CLN8: variants seen among roughly 807,000 people sequenced by gnomAD.
CLN8 encodes protein CLN8.
A neutral mutation model predicts 15.7 loss-of-function variants in CLN8; 14 were observed. That is an observed-to-expected ratio of 0.89 (90% CI 0.59 to 1.39). The LOEUF (loss-of-function observed/expected upper bound fraction) is 1.39, where lower values mean the gene tolerates loss of function less well. Ranked by LOEUF, CLN8 falls within the 40% of genes most tolerant of loss-of-function variation. The pLI, the probability that CLN8 is intolerant of heterozygous loss-of-function variation, is 0.00. For missense variants in CLN8, 415 were observed against 364.0 expected (o/e 1.14, Z -1.14); for synonymous variants, 188 against 151.0 (o/e 1.25, Z -1.80).
intron 2 of CLN8, among the ~76,000 whole-genome samples, chr8:1,778,558 A>C (rs564019069): frequency 6.6e-6 from 1 of 152,214 alleles, no homozygotes; most frequent in Admixed American, 6.5e-5. Context: ...GCCCACCTTG[A>C]GGTGGCCCCA....
chr8:1,769,536 T>G (rs1801215479), intron 1 of CLN8, among the ~76,000 whole-genome samples: 2 of 152,124 alleles, frequency 1.3e-5, no homozygotes, highest in Admixed American at 1.3e-4. Flanking sequence ...CTGCAGAAAT[T>G]CCATTACCTG....
Position 1,784,899 on chromosome 8 carries a change from T to C in CLN8, c.*4332T>C, listed in dbSNP as rs2129016316. The stretch of plus-strand genomic sequence containing the variant: ...GTCCTCAGTAGAGAACGGTGGCCAC[T>C]GGAAACGTGTGGCCAGAAGGGGAAA... On this transcript the variant is annotated 3_prime_UTR_variant, in exon 3 of 3. Transcript: ENST00000331222. The C allele has an allele frequency of 6.6e-6, 1 of 152,374 alleles. No homozygotes were observed. Among genetic ancestry groups the C allele is most frequent in the East Asian group, 1.9e-4 (1 of 5,166 alleles). The allele number at this position is 152,374 out of a possible 1,614,324, so 9.4% of individuals were successfully genotyped here.
chr8:1,774,543 A>G (rs1801438492), intron 2 of CLN8, among the ~76,000 whole-genome samples: 2 of 152,222 alleles, frequency 1.3e-5, no homozygotes, highest in African/African-American at 2.4e-5. Flanking sequence ...GTCTGATTTG[A>G]TCAGAACTAA....
rs1049203000 is a variant in CLN8 at position 1,782,094 on chromosome 8, G to A, written c.*1527G>A. On this transcript the variant is annotated 3_prime_UTR_variant, in exon 3 of 3. Transcript: ENST00000331222. ...CTCGTGAGAATCATGTGTGACTTAC[G>A]TTCCTTATGTTTTATGGAACTCTCG... The A allele has an allele frequency of 6.6e-6, 1 of 152,002 alleles. No individual in the cohort carries two copies. The highest frequency in any genetic ancestry group is 2.4e-5 in the African/African-American group (1 of 41,370). 9.4% of individuals were successfully genotyped at this position (152,002 alleles called of 1,614,324 possible). A position where few individuals can be genotyped will look rare whatever the true frequency, so the allele number is the denominator to read the frequency against.
Position 1,756,569 on chromosome 8 carries a change from G to A in CLN8, c.-124+487G>A, listed in dbSNP as rs192305787. 1.4e-4 allele frequency among the ~76,000 whole-genome samples: 21 copies of A among 151,902 alleles called. No homozygotes were observed. In the East Asian group the frequency reaches 2.5e-3, roughly 18 times the overall value. On this transcript the variant is annotated intron_variant, in intron 1 of 1. Coordinates refer to the CLN8 transcript ENST00000524258. ...TTATACCATATTATGCTGTATGTTTGGGGGAGAGGGGAGGCTAGGTTTGAG... is the reference window on the plus strand; with the variant it reads ...TTATACCATATTATGCTGTATGTTTAGGGGAGAGGGGAGGCTAGGTTTGAG...
chr8:1,771,066 G>C lies in CLN8; in HGVS notation c.12G>C (p.Ala4=), dbSNP rs368792081. Reference sequence around the variant, plus strand: ...TATAGCTGTGGACAATGAATCCTGCGAGCGATGGGGGCACATCAGAGAGCA... The same window carrying C: ...TATAGCTGTGGACAATGAATCCTGCCAGCGATGGGGGCACATCAGAGAGCA... MNP[A]SDGGTSESIF... Residue 4 remains alanine, a synonymous_variant, in exon 2 of 3, where the codon GCG becomes GCC. Transcript: ENST00000331222. 1 of 1,614,036 alleles carries C rather than the reference G, an allele frequency of 6.2e-7. No homozygotes were observed. Among genetic ancestry groups the C allele is most frequent in the Admixed American group, 1.7e-5 (1 of 60,018 alleles).
rs905856101 is a variant in CLN8 at position 1,780,646 on chromosome 8, A to G, written c.*79A>G. 6.8e-6 allele frequency: 9 copies of G among 1,316,670 alleles called. No homozygotes were observed. Among genetic ancestry groups the G allele is most frequent in the Non-Finnish European group, 9.7e-6 (9 of 925,490 alleles). 81.6% of individuals were successfully genotyped at this position (1,316,670 alleles called of 1,614,324 possible). A position where few individuals can be genotyped will look rare whatever the true frequency, so the allele number is the denominator to read the frequency against. On this transcript the variant is annotated 3_prime_UTR_variant, in exon 3 of 3. Transcript: ENST00000331222. ...AAGCCCCGCGAATGATGGCTTTTGA[A>G]TTAATGAGGCAGTGAATGTTTTGTG...
intron 2 of CLN8, 134 bp from the exon 3 acceptor site, chr8:1,780,116 G>A (rs1801662842): frequency 2.0e-6 from 3 of 1,531,430 alleles, no homozygotes; most frequent in Non-Finnish European, 2.6e-6. Context: ...GCAGAGCCCT[G>A]GGGAGGAAAT....
At position 1,783,511 on chromosome 8, in the gene CLN8, T is replaced by C. The variant is rs915681787; in HGVS notation, c.*2944T>C. The C allele has an allele frequency of 6.6e-6, 1 of 152,246 alleles. No individual in the cohort carries two copies. The highest frequency in any genetic ancestry group is 1.5e-5 in the Non-Finnish European group (1 of 68,050). The allele number at this position is 152,246 out of a possible 1,614,324, so 9.4% of individuals were successfully genotyped here. A position where few individuals can be genotyped will look rare whatever the true frequency, so the allele number is the denominator to read the frequency against. ...TTCTCTTTCGATAGTGAAATCCTTC[T>C]CTATACCTATGTTTTGTTTTGTTTC... On this transcript the variant is annotated 3_prime_UTR_variant, in exon 3 of 3. Transcript: ENST00000331222.
chr8:1,770,712 C>T (rs1480827339), intron 1 of CLN8, among the ~76,000 whole-genome samples: 5 of 152,152 alleles, frequency 3.3e-5, no homozygotes, highest in African/African-American at 7.2e-5. Context: ...AGCACGGCTC[C>T]GGCCTCCTGT....
At chr8:1,779,858 A>G (rs1801653712) in intron 2 of CLN8, 3 of 678,060 alleles carry the variant, frequency 4.4e-6, no homozygotes, top group Non-Finnish European at 5.5e-6. Flanking sequence ...TAGGTATGGG[A>G]GCTTGATATA....
intron 2 of CLN8, among the ~76,000 whole-genome samples, chr8:1,772,335 A>T (rs1158056147): frequency 6.6e-6 from 1 of 152,232 alleles, no homozygotes; most frequent in Non-Finnish European, 1.5e-5. Context: ...AGTGCTCAGA[A>T]GTGTTGGGAC....
intron 1 of CLN8, among the ~76,000 whole-genome samples, chr8:1,768,209 G>GC (rs1801145613): frequency 6.6e-6 from 1 of 152,178 alleles, no homozygotes; most frequent in African/African-American, 2.4e-5. Context: ...TTCCCAAAGT[G>GC]CTGGGATTAC....
At chr8:1,753,375 A>T (rs1213337574), upstream of CLN8, among the ~76,000 whole-genome samples, 1 of 152,198 alleles carries the variant, frequency 6.6e-6, no homozygotes, top group African/African-American at 2.4e-5. Flanking sequence ...GTTCGAGACC[A>T]GCCTGGCCAA....
At chr8:1,772,908 C>T in intron 2 of CLN8, 5 of 398,592 alleles carry the variant, frequency 1.3e-5, no homozygotes, top group Non-Finnish European at 2.2e-5. Flanking sequence ...TGTTACTGCA[C>T]ATTTCTTGTC....
chr8:1,778,911 G>C (rs1801614329), intron 2 of CLN8, among the ~76,000 whole-genome samples: 1 of 152,168 alleles, frequency 6.6e-6, no homozygotes, highest in South Asian at 2.1e-4. Flanking sequence ...GAAATGTGCA[G>C]CCTCCCGAAC....
upstream of CLN8, chr8:1,760,491 T>C (rs565896698): frequency 1.2e-4 from 18 of 152,306 alleles, no homozygotes; most frequent in African/African-American, 4.3e-4. Context: ...CAGTTATGCC[T>C]GTGATGGTTT....
At chr8:1,774,928 C>G (rs1007978843) in intron 2 of CLN8, among the ~76,000 whole-genome samples, 3 of 152,154 alleles carry the variant, frequency 2.0e-5, no homozygotes, top group Non-Finnish European at 4.4e-5. Flanking sequence ...TTACAGTGAG[C>G]TGTGATTACG....
chr8:1,786,313 C>G lies in CLN8; in HGVS notation c.*5746C>G, dbSNP rs1801830202. 6.6e-6 allele frequency: 1 copy of G among 152,234 alleles called. No individual in the cohort carries two copies. The allele number at this position is 152,234 out of a possible 1,614,324, so 9.4% of individuals were successfully genotyped here. On this transcript the variant is annotated 3_prime_UTR_variant, in exon 3 of 3. Transcript: ENST00000331222. Reference sequence around the variant, plus strand: ...CTGCGGTCCTGATTTCAGCTCACCTCAGAGTAAATCAGAATAAACTGCACC... The same window carrying G: ...CTGCGGTCCTGATTTCAGCTCACCTGAGAGTAAATCAGAATAAACTGCACC...
Sources: allele counts gnomAD v4.1 joint callset (sites outside exome capture counted in the v4.1 genomes callset), GRCh38; gene constraint gnomAD v4.1.1; transcripts MANE v1.5; gene names NCBI Gene and HGNC (gene_info 2026-07-23, HGNC 2026-07-21).